AFG2A: variants seen among roughly 807,000 people sequenced by gnomAD.
AFG2A encodes AAA ATPase AFG2A.
chr4:123,273,187 C>G, the AFG2A span, among the ~76,000 whole-genome samples: 16 of 152,218 alleles, frequency 1.1e-4, no homozygotes, highest in African/African-American at 3.6e-4. Flanking sequence ...TTCCACTAAT[C>G]TTTATTTTGT....
At chr4:123,028,536 A>G in the AFG2A span, 12 of 659,250 alleles carry the variant, frequency 1.8e-5, no homozygotes, top group Admixed American at 3.2e-4. Flanking sequence ...TGATGGCAAT[A>G]TAATATAGGG....
chr4:123,054,164 C>A, the AFG2A span, among the ~76,000 whole-genome samples: 2 of 152,170 alleles, frequency 1.3e-5, no homozygotes, highest in African/African-American at 4.8e-5. Flanking sequence ...AGTCAAGCCC[C>A]TTGAGAGACA....
At chr4:123,060,122 C>T in the AFG2A span, among the ~76,000 whole-genome samples, 1 of 152,210 alleles carries the variant, frequency 6.6e-6, no homozygotes, top group Non-Finnish European at 1.5e-5. Context: ...TTGGGCAGCT[C>T]TGCCTCTGTA....
the AFG2A span, among the ~76,000 whole-genome samples, chr4:123,035,873 A>G: frequency 1.3e-5 from 2 of 152,144 alleles, no homozygotes; most frequent in Non-Finnish European, 2.9e-5. Flanking sequence ...TTTTATAAGG[A>G]ATTTTATAAG....
At chr4:123,314,150 T>A in the AFG2A span, 4 of 1,169,278 alleles carry the variant, frequency 3.4e-6, no homozygotes, top group African/African-American at 1.6e-5. Flanking sequence ...TTAAAAAAAA[T>A]TTTACTAGGC....
chr4:122,940,102 G>A, the AFG2A span, among the ~76,000 whole-genome samples: 387 of 152,276 alleles, frequency 2.5e-3, no homozygotes, highest in Middle Eastern at 0.031. Flanking sequence ...ACGTGTGCAT[G>A]TGTCTTTATA....
the AFG2A span, among the ~76,000 whole-genome samples, chr4:122,981,732 G>A: frequency 1.6e-4 from 24 of 151,896 alleles, no homozygotes; most frequent in African/African-American, 4.3e-4. Flanking sequence ...GTCTTTCACC[G>A]TCTTGGTTAA....
At chr4:123,114,664 A>T in the AFG2A span, among the ~76,000 whole-genome samples, 5 of 152,312 alleles carry the variant, frequency 3.3e-5, no homozygotes, top group South Asian at 1.0e-3. Context: ...CCAGGCCCAC[A>T]GCCACAACCC....
At chr4:123,095,744 G>GAT in the AFG2A span, among the ~76,000 whole-genome samples, 5 of 151,930 alleles carry the variant, frequency 3.3e-5, no homozygotes, top group African/African-American at 9.7e-5. Context: ...CAAAGAAATT[G>GAT]ATATATATAG....
the AFG2A span, among the ~76,000 whole-genome samples, chr4:123,131,323 C>G: frequency 1.3e-5 from 2 of 151,852 alleles, no homozygotes; most frequent in Non-Finnish European, 2.9e-5. Flanking sequence ...TTTTTTATTG[C>G]GGTAAAAAAG....
At chr4:123,124,970 ACTTTTCCATGAGTTCTTACGAACAC>A in the AFG2A span, among the ~76,000 whole-genome samples, 5 of 152,224 alleles carry the variant, frequency 3.3e-5, no homozygotes, top group Non-Finnish European at 5.9e-5. Context: ...GAAACATATT[ACTTTTCCATGAGTTCTTACGAACAC>A]CTTTACCTTG....
the AFG2A span, among the ~76,000 whole-genome samples, chr4:123,118,511 A>G: frequency 1.1e-4 from 16 of 151,502 alleles, no homozygotes; most frequent in East Asian, 2.1e-3. Context: ...CTTTTGTAGG[A>G]TGCATGGATG....
chr4:122,975,281 G>C, the AFG2A span, among the ~76,000 whole-genome samples: 3 of 152,216 alleles, frequency 2.0e-5, no homozygotes, highest in East Asian at 5.8e-4. Context: ...AGAAGGGTAA[G>C]AAAAAGGGCA....
the AFG2A span, among the ~76,000 whole-genome samples, chr4:123,118,330 A>AT: frequency 1.7e-4 from 10 of 58,216 alleles, no homozygotes; most frequent in South Asian, 8.1e-4. Flanking sequence ...ATTATATATA[A>AT]TATATATATT....
At chr4:123,115,158 A>T in the AFG2A span, among the ~76,000 whole-genome samples, 3 of 151,182 alleles carry the variant, frequency 2.0e-5, no homozygotes, top group Non-Finnish European at 4.4e-5. Context: ...CAAGGCAAGG[A>T]TGACATTGCC....
chr4:123,260,584 A>T, the AFG2A span, among the ~76,000 whole-genome samples: 2 of 152,370 alleles, frequency 1.3e-5, no homozygotes, highest in South Asian at 4.1e-4. Flanking sequence ...AGGAGCAATT[A>T]TAGCCACTTA....
chr4:123,026,099 ATGTGTATG>A, the AFG2A span, among the ~76,000 whole-genome samples: 101 of 67,906 alleles, frequency 1.5e-3, 1 homozygote, highest in African/African-American at 5.5e-3. Context: ...GACCTCGTGT[ATGTGTATG>A]TGTGTGTGTG....
chr4:122,927,302 G>C, the AFG2A span, among the ~76,000 whole-genome samples: 14 of 152,128 alleles, frequency 9.2e-5, no homozygotes, highest in African/African-American at 3.4e-4. Flanking sequence ...ACTAGTAGCT[G>C]ACTCAACTTT....
the AFG2A span, among the ~76,000 whole-genome samples, chr4:123,138,148 G>A: frequency 6.6e-6 from 1 of 152,126 alleles, no homozygotes. Flanking sequence ...GGAAAATAAC[G>A]TTATGTCCAT....
Sources: allele counts gnomAD v4.1 joint callset (sites outside exome capture counted in the v4.1 genomes callset), GRCh38; gene constraint gnomAD v4.1.1; transcripts MANE v1.5; gene names NCBI Gene and HGNC (gene_info 2026-07-23, HGNC 2026-07-21).